The following DNER variants were observed in gnomAD, a reference collection of about 807,000 sequenced individuals.
The protein encoded by DNER is delta and Notch-like epidermal growth factor-related receptor.
DNER carries 33 observed loss-of-function variants against 78.2 expected under a neutral mutation model. That is an observed-to-expected ratio of 0.42 (90% CI 0.32 to 0.56). The LOEUF (loss-of-function observed/expected upper bound fraction) is 0.56, where lower values mean the gene tolerates loss of function less well. Among genes scored for constraint, DNER ranks in the 20% least tolerant of loss-of-function variants. The pLI is 0.11. For missense variants in DNER, 918 were observed against 975.3 expected (o/e 0.94, Z 0.78); for synonymous variants, 417 against 384.8 (o/e 1.08, Z -0.98).
At chr2:229,430,894 TA>T (rs1236686175) in intron 8 of DNER, among the ~76,000 whole-genome samples, 6 of 152,104 alleles carry the variant, frequency 3.9e-5, no homozygotes, top group East Asian at 3.9e-4. Flanking sequence ...CTTTTTAAAA[TA>T]TTTTTTTAGT....
intron 6 of DNER, among the ~76,000 whole-genome samples, chr2:229,505,986 T>C (rs1046261624): frequency 3.3e-5 from 5 of 152,340 alleles, no homozygotes; most frequent in African/African-American, 4.8e-5. Context: ...GTTGTTTTAA[T>C]AGAAGACATA....
At chr2:229,425,773 A>T (rs1475953530) in intron 8 of DNER, among the ~76,000 whole-genome samples, 1 of 151,840 alleles carries the variant, frequency 6.6e-6, no homozygotes, top group Non-Finnish European at 1.5e-5. Context: ...ATTCCCAGCG[A>T]CTCATCTGTC....
chr2:229,368,057 T>C (rs1308307187), intron 11 of DNER, among the ~76,000 whole-genome samples: 1 of 152,116 alleles, frequency 6.6e-6, no homozygotes, highest in African/African-American at 2.4e-5. Flanking sequence ...TTTCAGATAG[T>C]TTTTTAAAAA....
At chr2:229,610,094 T>C (rs1349480386) in intron 1 of DNER, among the ~76,000 whole-genome samples, 1 of 152,230 alleles carries the variant, frequency 6.6e-6, no homozygotes, top group African/African-American at 2.4e-5. Flanking sequence ...CGTAAAATAT[T>C]AACATTGTGC....
chr2:229,487,399 T>A (rs1695299075), intron 6 of DNER, among the ~76,000 whole-genome samples: 1 of 152,186 alleles, frequency 6.6e-6, no homozygotes, highest in African/African-American at 2.4e-5. Flanking sequence ...TAAAGTGCAA[T>A]ATTGATACAG....
chr2:229,568,037 G>C (rs1473964953), intron 4 of DNER, among the ~76,000 whole-genome samples: 1 of 152,094 alleles, frequency 6.6e-6, no homozygotes, highest in Non-Finnish European at 1.5e-5. Context: ...ACGGATCACA[G>C]CATAAAAGAC....
At chr2:229,527,597 C>T (rs959001084) in intron 5 of DNER, among the ~76,000 whole-genome samples, 11 of 152,190 alleles carry the variant, frequency 7.2e-5, no homozygotes, top group African/African-American at 2.7e-4. Flanking sequence ...AGAAACCACC[C>T]TAGATAGCTT....
chr2:229,595,590 C>A (rs916761285), intron 1 of DNER, among the ~76,000 whole-genome samples: 1 of 152,152 alleles, frequency 6.6e-6, no homozygotes, highest in South Asian at 2.1e-4. Flanking sequence ...CCTGTATTCA[C>A]CAAGTTTTAC....
chr2:229,490,642 A>T (rs543564939), intron 6 of DNER, among the ~76,000 whole-genome samples: 212 of 152,262 alleles, frequency 1.4e-3, no homozygotes, highest in African/African-American at 4.9e-3. Context: ...GGGGTGATAA[A>T]ATGCCCTAAA....
At chr2:229,392,602 G>T (rs73098272) in intron 10 of DNER, among the ~76,000 whole-genome samples, 4,477 of 152,260 alleles carry the variant, frequency 0.029, 100 homozygotes, top group African/African-American at 0.06. Flanking sequence ...CAGATGAGCA[G>T]TTCCCAAACT....
chr2:229,664,296 G>A lies in DNER; in HGVS notation c.276+49852C>T, dbSNP rs192543069. Among the ~76,000 whole-genome samples, 15 of 151,906 alleles carry A rather than the reference G, an allele frequency of 9.9e-5. 2 individuals are homozygous for A. Among genetic ancestry groups the A allele is most frequent in the Admixed American group, 4.6e-4 (7 of 15,246 alleles). On this transcript the variant is annotated intron_variant, in intron 1 of 12. Coordinates refer to ENST00000341772, the MANE Select transcript of DNER (RefSeq NM_139072.4). ...TAAAATAAAGACAGTTTGTACTTTG[G>A]GCCATTTTGCATCCACCAGTGGTAA...
intron 4 of DNER, among the ~76,000 whole-genome samples, 155 bp downstream of exon 4, chr2:229,585,703 A>T (rs925860127): frequency 1.3e-5 from 2 of 152,194 alleles, no homozygotes; most frequent in Non-Finnish European, 2.9e-5. Flanking sequence ...GTTAGAATCC[A>T]GTTTTTATTC....
chr2:229,598,496 AT>A (rs1323125115), intron 1 of DNER, among the ~76,000 whole-genome samples: 3 of 152,170 alleles, frequency 2.0e-5, no homozygotes, highest in Non-Finnish European at 4.4e-5. Context: ...CCCTGCTGGT[AT>A]GCATGTCAGC....
chr2:229,664,891 C>A (rs1013981282), intron 1 of DNER, among the ~76,000 whole-genome samples: 1 of 152,018 alleles, frequency 6.6e-6, no homozygotes, highest in Non-Finnish European at 1.5e-5. Context: ...AAAATTTGGA[C>A]CCTGTTGGAA....
chr2:229,501,631 G>A (rs1695626381), intron 6 of DNER, among the ~76,000 whole-genome samples: 1 of 152,050 alleles, frequency 6.6e-6, no homozygotes, highest in African/African-American at 2.4e-5. Flanking sequence ...TTTGTTCTCT[G>A]GTGACAACAA....
chr2:229,428,312 G>T (rs1693928473), intron 8 of DNER, among the ~76,000 whole-genome samples: 1 of 152,068 alleles, frequency 6.6e-6, no homozygotes, highest in Admixed American at 6.5e-5. Context: ...TGAGAGTGGT[G>T]ACAGGGCCAT....
At position 229,559,388 on chromosome 2, in the gene DNER, T is replaced by C. The variant is rs551096710; in HGVS notation, c.848-12296A>G. 1.7e-3 allele frequency among the ~76,000 whole-genome samples: 256 copies of C among 152,200 alleles called. 1 individual carries two copies. Among genetic ancestry groups the C allele is most frequent in the African/African-American group, 5.8e-3 (241 of 41,526 alleles). ...TGATATAAACAGTTTGACATAGATATCAGACCATCATCATACTAGAAAAAT... is the reference window on the plus strand; with the variant it reads ...TGATATAAACAGTTTGACATAGATACCAGACCATCATCATACTAGAAAAAT... On this transcript the variant is annotated intron_variant, in intron 4 of 12. Transcript: ENST00000341772.
rs1162575614 is a variant in DNER, at chr2:229,510,194, AGC to A, written c.1147+2587_1147+2588del. Reference sequence around the variant, plus strand: ...CATGGGGGTGAGATAGGGCTGGAAAAGCAGGCAAAAGACATATCCTGGTGCAG... The same window carrying A: ...CATGGGGGTGAGATAGGGCTGGAAAAAGGCAAAAGACATATCCTGGTGCAG... On this transcript the variant is annotated intron_variant, in intron 6 of 12. Coordinates refer to ENST00000341772, the MANE Select transcript of DNER (RefSeq NM_139072.4). Among the ~76,000 whole-genome samples, 129 of 152,356 alleles carry A rather than the reference AGC, an allele frequency of 8.5e-4. 1 individual carries two copies. The highest frequency in any genetic ancestry group is 3.0e-3 in the African/African-American group (124 of 41,582).
At chr2:229,555,814 G>A (rs1279350105) in intron 4 of DNER, among the ~76,000 whole-genome samples, 1 of 152,036 alleles carries the variant, frequency 6.6e-6, no homozygotes, top group Non-Finnish European at 1.5e-5. Flanking sequence ...TTACCAACTG[G>A]TGATTACCTT....
Sources: allele counts gnomAD v4.1 joint callset (sites outside exome capture counted in the v4.1 genomes callset), GRCh38; gene constraint gnomAD v4.1.1; transcripts MANE v1.5; gene names NCBI Gene and HGNC (gene_info 2026-07-23, HGNC 2026-07-21).